Variants in RAB38 observed in about 807,000 individuals in gnomAD.
RAB38 encodes the protein RAB38, member RAS oncogene family.
RAB38 carries 15 observed loss-of-function variants against 18.4 expected under a neutral mutation model. That is an observed-to-expected ratio of 0.82 (90% CI 0.55 to 1.26). RAB38 has a LOEUF of 1.26. Ranked by LOEUF, RAB38 falls within the 50% of genes most tolerant of loss-of-function variation. The pLI is 0.00. For synonymous variants in RAB38, 101 were observed against 104.4 expected, an observed-to-expected ratio of 0.97 and a Z score of 0.20; for missense variants, 294 against 267.4, an observed-to-expected ratio of 1.10 and a Z score of -0.69.
chr11:87,968,482 T>C, the RAB38 span, among the ~76,000 whole-genome samples: 1 of 152,116 alleles, frequency 6.6e-6, no homozygotes, highest in Admixed American at 6.6e-5. Flanking sequence ...TAGAAGGAAG[T>C]TGTATGCCAT....
At chr11:87,847,923 C>T in the RAB38 span, among the ~76,000 whole-genome samples, 1 of 152,050 alleles carries the variant, frequency 6.6e-6, no homozygotes, top group African/African-American at 2.4e-5. Context: ...AGAATACAAA[C>T]CTTGAAATTC....
the RAB38 span, among the ~76,000 whole-genome samples, chr11:87,974,283 C>G: frequency 6.6e-6 from 1 of 151,180 alleles, no homozygotes; most frequent in African/African-American, 2.4e-5. Context: ...AAAATAGAAG[C>G]TATAATAACA....
the RAB38 span, among the ~76,000 whole-genome samples, chr11:87,862,486 CAACA>C: frequency 6.6e-6 from 1 of 151,748 alleles, no homozygotes; most frequent in South Asian, 2.1e-4. Flanking sequence ...TAGAAAGGAA[CAACA>C]CACACTGGGG....
At chr11:87,806,052 T>C in the RAB38 span, among the ~76,000 whole-genome samples, 1 of 152,176 alleles carries the variant, frequency 6.6e-6, no homozygotes, top group Admixed American at 6.5e-5. Context: ...CTGGCTACTG[T>C]AGCCTAGTCA....
At position 88,175,441 on chromosome 11, in the gene RAB38, C is replaced by A; in HGVS notation, c.-57G>T. On this transcript the variant is annotated 5_prime_UTR_variant, in exon 1 of 3. Coordinates refer to ENST00000243662, the MANE Select transcript of RAB38 (RefSeq NM_022337.3). The stretch of plus-strand genomic sequence containing the variant: ...CCAGGGAAGCGCAGCCTGGGCTCTG[C>A]GCACGAGAGAGACTTGGGGAGCGCA... The A allele has an allele frequency of 6.3e-7, 1 of 1,585,470 alleles. No homozygotes were observed. The highest frequency in any genetic ancestry group is 8.6e-7 in the Non-Finnish European group (1 of 1,157,712).
the RAB38 span, among the ~76,000 whole-genome samples, chr11:87,915,467 AT>A: frequency 6.6e-6 from 1 of 152,082 alleles, no homozygotes; most frequent in Non-Finnish European, 1.5e-5. Flanking sequence ...GTAAATTGTA[AT>A]CCATTAGCAT....
At chr11:88,146,660 C>T (rs1942990440) in intron 2 of RAB38, among the ~76,000 whole-genome samples, 1 of 152,180 alleles carries the variant, frequency 6.6e-6, no homozygotes, top group Non-Finnish European at 1.5e-5. Flanking sequence ...TTTGACACTC[C>T]AGTTTGTCAG....
At chr11:87,972,686 C>T in the RAB38 span, among the ~76,000 whole-genome samples, 4 of 152,026 alleles carry the variant, frequency 2.6e-5, no homozygotes, top group Non-Finnish European at 5.9e-5. Flanking sequence ...ACGAAGTTTC[C>T]AGACAGCTTT....
chr11:87,976,809 T>A, the RAB38 span, among the ~76,000 whole-genome samples: 1 of 80,642 alleles, frequency 1.2e-5, no homozygotes, highest in Non-Finnish European at 2.3e-5. Context: ...TATAATATAT[T>A]ATATATTATA....
chr11:88,116,471 G>T (rs1389446597), intron 2 of RAB38, among the ~76,000 whole-genome samples: 3 of 152,196 alleles, frequency 2.0e-5, no homozygotes, highest in Non-Finnish European at 2.9e-5. Context: ...TACTACATAT[G>T]TTTACAGACA....
the RAB38 span, among the ~76,000 whole-genome samples, chr11:88,045,200 A>T: frequency 1.3e-5 from 2 of 152,062 alleles, no homozygotes; most frequent in South Asian, 4.1e-4. Context: ...TTATTTTATT[A>T]CCCAATCTGC....
chr11:88,016,507 C>A, the RAB38 span, among the ~76,000 whole-genome samples: 1 of 152,078 alleles, frequency 6.6e-6, no homozygotes, highest in Non-Finnish European at 1.5e-5. Context: ...GGAACACAGG[C>A]CGGGGCACAG....
intron 2 of RAB38, among the ~76,000 whole-genome samples, chr11:88,146,908 C>T (rs1942994313): frequency 6.6e-6 from 1 of 152,204 alleles, no homozygotes; most frequent in South Asian, 2.1e-4. Flanking sequence ...CTTCAAAGTT[C>T]ACACTTAGAG....
At chr11:87,959,066 T>C in the RAB38 span, among the ~76,000 whole-genome samples, 1 of 152,136 alleles carries the variant, frequency 6.6e-6, no homozygotes, top group Non-Finnish European at 1.5e-5. Flanking sequence ...ATTTCTGCCA[T>C]GTACACCCCA....
the RAB38 span, among the ~76,000 whole-genome samples, chr11:87,827,560 T>C: frequency 5.9e-5 from 9 of 152,114 alleles, no homozygotes; most frequent in African/African-American, 2.2e-4. Context: ...AATATATTAA[T>C]TTTCACTGAT....
At chr11:88,121,613 A>AGTGCAGTGGCACAATCTTG (rs1412103940) in intron 2 of RAB38, among the ~76,000 whole-genome samples, 1 of 151,772 alleles carries the variant, frequency 6.6e-6, no homozygotes, top group East Asian at 1.9e-4. Context: ...CCCAGGCTGG[A>AGTGCAGTGGCACAATCTTG]GTGCAGTGGC....
At chr11:88,043,609 C>T in the RAB38 span, among the ~76,000 whole-genome samples, 11 of 141,268 alleles carry the variant, frequency 7.8e-5, no homozygotes, top group Non-Finnish European at 1.4e-4. Flanking sequence ...GTGACCCCCC[C>T]ACCCTGCCCA....
At chr11:87,977,456 A>AATATAATTATATATTACAT in the RAB38 span, among the ~76,000 whole-genome samples, 1 of 47,914 alleles carries the variant, frequency 2.1e-5, no homozygotes, top group African/African-American at 1.0e-4. Context: ...TATATTACAT[A>AATATAATTATATATTACAT]ATATAATTAT....
the RAB38 span, among the ~76,000 whole-genome samples, chr11:88,077,826 C>T: frequency 1.3e-5 from 2 of 152,060 alleles, no homozygotes; most frequent in Admixed American, 1.3e-4. Context: ...GCTTTGTATC[C>T]ATTGTTGACA....
Sources: allele counts gnomAD v4.1 joint callset (sites outside exome capture counted in the v4.1 genomes callset), GRCh38; gene constraint gnomAD v4.1.1; transcripts MANE v1.5; gene names NCBI Gene and HGNC (gene_info 2026-07-23, HGNC 2026-07-21).